The following NRXN1 variants were observed in gnomAD, a reference collection of about 807,000 sequenced individuals.
NRXN1 encodes neurexin 1, also known as neurexin-1.
NRXN1 carries 39 observed loss-of-function variants against 150.9 expected under a neutral mutation model. That is an observed-to-expected ratio of 0.26 (90% confidence interval 0.20 to 0.34). NRXN1 has a LOEUF of 0.34. Among genes scored for constraint, NRXN1 ranks in the 10% least tolerant of loss-of-function variants. NRXN1 has a pLI of 1.00. For synonymous variants in NRXN1, 924 were observed against 757.0 expected (o/e 1.22, Z -3.62); for missense variants, 1,815 against 1,949.9 (o/e 0.93, Z 1.30).
At chr2:50,154,499 C>A (rs575886393) in intron 18 of NRXN1, among the ~76,000 whole-genome samples, 444 of 151,432 alleles carry the variant, frequency 2.9e-3, no homozygotes, top group African/African-American at 9.7e-3. Context: ...GCTTTCTATC[C>A]GGTAAAAACA....
chr2:50,152,758 CTT>C (rs2058768784), intron 18 of NRXN1, among the ~76,000 whole-genome samples: 1 of 151,786 alleles, frequency 6.6e-6, no homozygotes, highest in African/African-American at 2.4e-5. Context: ...AAGATCCTCT[CTT>C]TGTCTTTTGA....
chr2:50,868,895 T>G (rs72891318), intron 5 of NRXN1, among the ~76,000 whole-genome samples: 12,771 of 151,866 alleles, frequency 0.084, 564 homozygotes, highest in Middle Eastern at 0.13. Flanking sequence ...AAAAGAAACA[T>G]AATTAAGAAA....
At chr2:50,509,184 C>T (rs961480613) in intron 12 of NRXN1, among the ~76,000 whole-genome samples, 1 of 152,192 alleles carries the variant, frequency 6.6e-6, no homozygotes, top group African/African-American at 2.4e-5. Flanking sequence ...CTACTCAAAG[C>T]CTGCATGCTT....
At position 50,704,004 on chromosome 2, in the gene NRXN1, C is replaced by T. The variant is rs147583391; in HGVS notation, c.833-80389G>A. Reference sequence around the variant, plus strand: ...ATTAAAATATATCTAGGGGAGCCAGCTCTGAGTTTAACTTACATCACTTCT... The same window carrying T: ...ATTAAAATATATCTAGGGGAGCCAGTTCTGAGTTTAACTTACATCACTTCT... On this transcript the variant is annotated intron_variant, in intron 5 of 22. Transcript: ENST00000401669. Among the ~76,000 whole-genome samples the T allele has an allele frequency of 5.5e-3, 832 of 152,126 alleles. 9 individuals are homozygous for T. The highest frequency in any genetic ancestry group is 0.019 in the African/African-American group (800 of 41,510).
intron 18 of NRXN1, among the ~76,000 whole-genome samples, chr2:50,103,876 A>AACAC (rs1701303283): frequency 6.6e-6 from 1 of 151,294 alleles, no homozygotes. Flanking sequence ...CAAACAAACA[A>AACAC]ACAAACAAAC....
At chr2:50,144,393 G>A (rs1707710791) in intron 18 of NRXN1, among the ~76,000 whole-genome samples, 2 of 151,654 alleles carry the variant, frequency 1.3e-5, no homozygotes, top group Admixed American at 1.3e-4. Context: ...GAGTTTTCCT[G>A]ACTGTCTAAG....
intron 18 of NRXN1, among the ~76,000 whole-genome samples, chr2:50,181,439 G>A (rs2060707708): frequency 6.6e-6 from 1 of 151,958 alleles, no homozygotes; most frequent in African/African-American, 2.4e-5. Context: ...AGGTAGATGC[G>A]GCATTATCTT....
At chr2:51,017,096 G>A (rs772878436) in intron 2 of NRXN1, among the ~76,000 whole-genome samples, 2 of 151,764 alleles carry the variant, frequency 1.3e-5, no homozygotes, top group Non-Finnish European at 2.9e-5. Flanking sequence ...ACACACTGGG[G>A]CCTGTCAGGG....
At chr2:50,483,585 G>A (rs2090640272) in intron 15 of NRXN1, among the ~76,000 whole-genome samples, 1 of 152,016 alleles carries the variant, frequency 6.6e-6, no homozygotes, top group African/African-American at 2.4e-5. Flanking sequence ...CAATAGGTAG[G>A]GTGGTTATTA....
chr2:50,237,096 A>G, intron 17 of NRXN1, 126 bp from the exon 18 acceptor site: 3 of 966,814 alleles, frequency 3.1e-6, no homozygotes, highest in Middle Eastern at 2.5e-4. Context: ...AGTAAATCAT[A>G]GATTTCAATC....
At chr2:50,183,003 A>G (rs1324116848) in intron 18 of NRXN1, among the ~76,000 whole-genome samples, 1 of 152,072 alleles carries the variant, frequency 6.6e-6, no homozygotes, top group Non-Finnish European at 1.5e-5. Context: ...ATGTATACAT[A>G]CCATAGAGAG....
intron 21 of NRXN1, among the ~76,000 whole-genome samples, chr2:49,953,408 T>C (rs962546654): frequency 5.9e-5 from 9 of 152,098 alleles, no homozygotes; most frequent in African/African-American, 1.9e-4. Context: ...ATCCAGTGTC[T>C]TCTAGTTCTA....
chr2:50,434,405 G>T (rs2085256767), intron 17 of NRXN1, among the ~76,000 whole-genome samples: 1 of 151,908 alleles, frequency 6.6e-6, no homozygotes. Context: ...TCTATGGGTG[G>T]ATTCCTCTCT....
chr2:50,356,220 A>G (rs1025030949), intron 17 of NRXN1, among the ~76,000 whole-genome samples: 6 of 152,180 alleles, frequency 3.9e-5, no homozygotes, highest in African/African-American at 1.4e-4. Flanking sequence ...TAATATTACT[A>G]TAGCAAAACT....
At position 50,256,280 on chromosome 2, in the gene NRXN1, C is replaced by A. The variant is rs1328501775; in HGVS notation, c.3365-19310G>T. On this transcript the variant is annotated intron_variant, in intron 17 of 22. Transcript: ENST00000401669. The stretch of plus-strand genomic sequence containing the variant: ...TGCTACTAGGTTCACAGACCATGTA[C>A]CAAACGTTTTTACCCATTAAACATA... Among the ~76,000 whole-genome samples, 6 of 152,086 alleles carry A rather than the reference C, an allele frequency of 3.9e-5. No homozygotes were observed. The South Asian group carries it at 1.0e-3, about 26-fold the overall frequency.
intron 15 of NRXN1, among the ~76,000 whole-genome samples, chr2:50,478,909 T>G (rs1391747943): frequency 6.6e-6 from 1 of 152,184 alleles, no homozygotes; most frequent in African/African-American, 2.4e-5. Flanking sequence ...GTTGTTTCGT[T>G]TTCATTCCCA....
At chr2:50,995,609 A>C (rs1395204083) in intron 2 of NRXN1, among the ~76,000 whole-genome samples, 5 of 151,422 alleles carry the variant, frequency 3.3e-5, no homozygotes, top group Non-Finnish European at 5.9e-5. Context: ...TGTCAAAAAA[A>C]AAAAAAAAAA....
intron 22 of NRXN1, among the ~76,000 whole-genome samples, chr2:49,930,870 G>A (rs1670003924): frequency 6.6e-6 from 1 of 152,214 alleles, no homozygotes; most frequent in African/African-American, 2.4e-5. Flanking sequence ...TGAAAGCCAA[G>A]AACTGTGTGG....
chr2:51,019,869 A>T (rs1344361539), intron 2 of NRXN1, among the ~76,000 whole-genome samples: 2 of 152,052 alleles, frequency 1.3e-5, no homozygotes, highest in African/African-American at 4.8e-5. Flanking sequence ...TTCTCTGCTT[A>T]CTTTTAAAAT....
Sources: gnomAD v4.1 joint callset for allele counts (sites outside exome capture counted in the v4.1 genomes callset) on GRCh38, gnomAD v4.1.1 for gene constraint, MANE v1.5 for transcripts, NCBI Gene and HGNC (gene_info 2026-07-23, HGNC 2026-07-21) for gene names.